The following DYNC2H1 variants were observed in gnomAD, a reference collection of about 807,000 sequenced individuals.
The protein encoded by DYNC2H1 is cytoplasmic dynein 2 heavy chain 1.
A neutral mutation model predicts 570.0 loss-of-function variants in DYNC2H1; 410 were observed. The observed-to-expected ratio is 0.72, with a 90% CI of 0.66 to 0.78. The LOEUF is 0.78. Ranked by LOEUF, DYNC2H1 falls within the 30% of genes least tolerant of loss-of-function variation. DYNC2H1 has a pLI of 0.00. For synonymous variants in DYNC2H1, 1,688 were observed against 1,677.6 expected, an observed-to-expected ratio of 1.01 and a Z score of -0.15; for missense variants, 4,865 against 5,046.4, an observed-to-expected ratio of 0.96 and a Z score of 1.09.
At chr11:103,212,406 A>G (rs1191562369) in intron 54 of DYNC2H1, among the ~76,000 whole-genome samples, 1 of 152,102 alleles carries the variant, frequency 6.6e-6, no homozygotes, top group African/African-American at 2.4e-5. Flanking sequence ...GAACTTATGT[A>G]AGCAAATACC....
chr11:103,313,065 A>G (rs1360633146), intron 79 of DYNC2H1, among the ~76,000 whole-genome samples: 1 of 152,160 alleles, frequency 6.6e-6, no homozygotes, highest in Admixed American at 6.5e-5. Flanking sequence ...TACTTTTTGC[A>G]TTTAGCAACC....
intron 20 of DYNC2H1, among the ~76,000 whole-genome samples, chr11:103,150,567 G>A (rs1167111228): frequency 6.6e-6 from 1 of 152,146 alleles, no homozygotes; most frequent in Non-Finnish European, 1.5e-5. Context: ...AGACTGAGTT[G>A]TCTGGTAGAA....
chr11:103,168,761 G>T lies in DYNC2H1; in HGVS notation c.4769G>T (p.Gly1590Val). 1.2e-6 allele frequency: 2 copies of T among 1,611,828 alleles called. No individual in the cohort carries two copies. Among genetic ancestry groups the T allele is most frequent in the South Asian group, 1.1e-5 (1 of 90,688 alleles). Residue 1590 changes from glycine (G) to valine (V), a missense_variant, in exon 32 of 89, where the codon GGC becomes GTC. Physicochemically the swap from Gly to Val is moderately radical, Grantham distance 109. Coordinates refer to ENST00000375735, the MANE Select transcript of DYNC2H1 (RefSeq NM_001377.3). Reference protein sequence around the residue: ...SSEDPGNTESGILELKLKALI... With the variant: ...SSEDPGNTESVILELKLKALI... ...TATTTTTATTTCTGCCTAGAATCGG[G>T]CATCCTGGAGCTTAAACTTAAAGCC...
chr11:103,282,296 T>C (rs1866174188), intron 72 of DYNC2H1, 67 bp downstream of exon 72: 32 of 1,445,202 alleles, frequency 2.2e-5, no homozygotes, highest in Non-Finnish European at 3.1e-5. Context: ...GTTCATGAGG[T>C]ATAATTTGCT....
At chr11:103,330,339 G>A (rs1418691977) in intron 82 of DYNC2H1, among the ~76,000 whole-genome samples, 1 of 151,928 alleles carries the variant, frequency 6.6e-6, no homozygotes, top group African/African-American at 2.4e-5. Flanking sequence ...AAGACAGTTT[G>A]AGTAAATGAG....
rs1298851925 is a variant in DYNC2H1 at position 103,109,467 on chromosome 11, C to T, written c.-108C>T. 4.6e-6 allele frequency: 5 copies of T among 1,098,844 alleles called. No homozygotes were observed. Among genetic ancestry groups the T allele is most frequent in the Admixed American group, 2.7e-5 (1 of 37,078 alleles). 68.1% of individuals were successfully genotyped at this position (1,098,844 alleles called of 1,614,324 possible). A position where few individuals can be genotyped will look rare whatever the true frequency, so the allele number is the denominator to read the frequency against. ...GCAACCGCGAAGCTCTGCGGTCCCG[C>T]GGTCGGGCTACGGGTTTGAGCAAAG... On this transcript the variant is annotated 5_prime_UTR_variant, in exon 1 of 89. Transcript: ENST00000375735.
At chr11:103,230,927 C>T (rs976874124) in intron 59 of DYNC2H1, among the ~76,000 whole-genome samples, 2 of 152,042 alleles carry the variant, frequency 1.3e-5, no homozygotes, top group Admixed American at 6.6e-5. Context: ...CTCTTTTGAT[C>T]TCTGTGCATA....
rs1334426664 is a variant in DYNC2H1 at position 103,275,672 on chromosome 11, C to T, written c.10696-4676C>T. On this transcript the variant is annotated intron_variant, in intron 70 of 88. Coordinates refer to ENST00000375735, the MANE Select transcript of DYNC2H1 (RefSeq NM_001377.3). This position sits in a 1 kb window ranked among gnomAD's most constrained non-coding sequence, Gnocchi z 4.8. ...TACTATTGTACGTTTAAGGTTCTTTCATGTTTTTTTCATGGTGTAATATCT... is the reference window on the plus strand; with the variant it reads ...TACTATTGTACGTTTAAGGTTCTTTTATGTTTTTTTCATGGTGTAATATCT... Among the ~76,000 whole-genome samples, 1 of 152,000 alleles carries T rather than the reference C, an allele frequency of 6.6e-6. No homozygotes were observed. The highest frequency in any genetic ancestry group is 1.9e-4 in the East Asian group (1 of 5,190).
intron 84 of DYNC2H1, among the ~76,000 whole-genome samples, chr11:103,421,952 T>C (rs1443386247): frequency 6.8e-6 from 1 of 146,594 alleles, no homozygotes; most frequent in African/African-American, 2.5e-5. Flanking sequence ...GCTAGAATAA[T>C]AAAGAAGAAA....
chr11:103,150,827 A>C (rs11225572), intron 20 of DYNC2H1, among the ~76,000 whole-genome samples: 1 of 152,048 alleles, frequency 6.6e-6, no homozygotes, highest in African/African-American at 2.4e-5. Context: ...TAAAGGAGAG[A>C]TTGATGTTGT....
At chr11:103,301,538 G>A (rs989178844) in intron 75 of DYNC2H1, among the ~76,000 whole-genome samples, 1 of 151,802 alleles carries the variant, frequency 6.6e-6, no homozygotes, top group African/African-American at 2.4e-5. Context: ...GCTAACAATT[G>A]AATAGTTGTT....
At chr11:103,111,314 A>T (rs1337652038) in intron 1 of DYNC2H1, among the ~76,000 whole-genome samples, 1 of 152,354 alleles carries the variant, frequency 6.6e-6, no homozygotes, top group East Asian at 1.9e-4. Flanking sequence ...TTTTCACTTT[A>T]GACTCTGTCA....
intron 85 of DYNC2H1, among the ~76,000 whole-genome samples, chr11:103,448,423 G>A (rs184300929): frequency 6.6e-6 from 1 of 152,224 alleles, no homozygotes; most frequent in East Asian, 1.9e-4. Flanking sequence ...AGATCTGCTA[G>A]TTCTGACATT....
intron 83 of DYNC2H1, among the ~76,000 whole-genome samples, chr11:103,396,384 T>C (rs998059862): frequency 6.6e-6 from 1 of 152,220 alleles, no homozygotes; most frequent in African/African-American, 2.4e-5. Flanking sequence ...GTGACTATTT[T>C]CATCCTACAA....
At chr11:103,457,604 ACT>A (rs1363061907) in intron 87 of DYNC2H1, among the ~76,000 whole-genome samples, 4 of 152,128 alleles carry the variant, frequency 2.6e-5, no homozygotes, top group African/African-American at 9.7e-5. Flanking sequence ...ATACTTTTTG[ACT>A]CTTATAAATA....
chr11:103,146,747 C>T (rs961553822), intron 18 of DYNC2H1, among the ~76,000 whole-genome samples: 2 of 151,954 alleles, frequency 1.3e-5, no homozygotes, highest in Non-Finnish European at 2.9e-5. Flanking sequence ...GGATTACAGG[C>T]GTGCGCCACC....
chr11:103,240,712 G>A (rs913888901), intron 63 of DYNC2H1, among the ~76,000 whole-genome samples: 35 of 152,184 alleles, frequency 2.3e-4, no homozygotes, highest in Non-Finnish European at 1.3e-4. Flanking sequence ...CATTATACCA[G>A]CTGGTTCCTT....
chr11:103,174,194 A>G, intron 36 of DYNC2H1, 24 bp downstream of exon 36: 2 of 1,490,534 alleles, frequency 1.3e-6, no homozygotes, highest in Non-Finnish European at 9.1e-7. Context: ...TTCCAAATAC[A>G]TTAACTTATT....
chr11:103,432,395 C>G (rs776532006), intron 84 of DYNC2H1, among the ~76,000 whole-genome samples: 12 of 152,114 alleles, frequency 7.9e-5, no homozygotes, highest in Non-Finnish European at 1.3e-4. Flanking sequence ...GATGATTGCT[C>G]TCAGCTGGTT....
Sources: gnomAD v4.1 joint callset for allele counts (sites outside exome capture counted in the v4.1 genomes callset) on GRCh38, gnomAD v4.1.1 for gene constraint, Gnocchi (gnomAD v3.1) non-coding constraint, MANE v1.5 for transcripts, NCBI Gene and HGNC (gene_info 2026-07-23, HGNC 2026-07-21) for gene names.